Variants in RIPOR2 observed in about 807,000 individuals in gnomAD.
RIPOR2 encodes rho family-interacting cell polarization regulator 2.
RIPOR2 carries 39 observed loss-of-function variants against 114.5 expected under a neutral mutation model. The observed-to-expected ratio is 0.34, with a 90% CI of 0.26 to 0.44. The LOEUF (loss-of-function observed/expected upper bound fraction) is 0.44. Among genes scored for constraint, RIPOR2 ranks in the 20% least tolerant of loss-of-function variants. The pLI is 1.00. For synonymous variants in RIPOR2, 445 were observed against 484.4 expected, an observed-to-expected ratio of 0.92 and a Z score of 1.07; for missense variants, 1,007 against 1,255.1, an observed-to-expected ratio of 0.80 and a Z score of 2.99.
intron 1 of RIPOR2, among the ~76,000 whole-genome samples, chr6:25,026,926 C>A (rs1055617375): frequency 1.3e-5 from 2 of 152,174 alleles, no homozygotes; most frequent in African/African-American, 4.8e-5. Flanking sequence ...GGCCCTAGAC[C>A]ACTCCCGGGC....
At chr6:24,992,298 A>G (rs570562716) in intron 1 of RIPOR2, among the ~76,000 whole-genome samples, 1 of 152,286 alleles carries the variant, frequency 6.6e-6, no homozygotes, top group African/African-American at 2.4e-5. Context: ...AGAAGACATT[A>G]CAGGTACTCC....
chr6:24,846,301 CTTTTTTTTT>C (rs1233193249), intron 12 of RIPOR2, among the ~76,000 whole-genome samples: 2 of 91,720 alleles, frequency 2.2e-5, no homozygotes, highest in African/African-American at 9.4e-5. Flanking sequence ...TTTCACCTGC[CTTTTTTTTT>C]TTTTTTTTTT....
intron 14 of RIPOR2, 81 bp from the exon 15 acceptor site, chr6:24,835,952 C>T (rs1761074446): frequency 3.2e-6 from 4 of 1,261,090 alleles, no homozygotes; most frequent in African/African-American, 3.0e-5. Flanking sequence ...TGCATCGGGC[C>T]CCAACAGCAC....
intron 19 of RIPOR2, among the ~76,000 whole-genome samples, chr6:24,823,794 G>A (rs564010783): frequency 3.9e-5 from 6 of 152,268 alleles, no homozygotes; most frequent in African/African-American, 1.4e-4. Context: ...GTCTCGCTCT[G>A]TCACCCAGCT....
intron 16 of RIPOR2, among the ~76,000 whole-genome samples, 191 bp downstream of exon 16, chr6:24,832,065 G>A (rs147202678): frequency 1.0e-3 from 155 of 152,328 alleles, no homozygotes; most frequent in Admixed American, 2.6e-3. Context: ...AAAACTGTGT[G>A]TCTGCTGCTT....
At chr6:24,898,509 C>G (rs1023405873) in intron 1 of RIPOR2, 1 of 152,168 alleles carries the variant, frequency 6.6e-6, no homozygotes, top group Non-Finnish European at 1.5e-5. Context: ...AAATAGAGAT[C>G]TTCCTTTTTC....
At chr6:24,868,581 T>A (rs924641215) in intron 6 of RIPOR2, among the ~76,000 whole-genome samples, 4 of 152,020 alleles carry the variant, frequency 2.6e-5, no homozygotes, top group Non-Finnish European at 4.4e-5. Context: ...GTAGTGCACA[T>A]CTAGGGGAGA....
intron 1 of RIPOR2, chr6:25,024,102 G>T: frequency 1.3e-6 from 1 of 797,186 alleles, no homozygotes. Context: ...AGTACCAGGT[G>T]AGCTCAAACC....
At chr6:24,885,675 C>T (rs1766775387) in intron 1 of RIPOR2, among the ~76,000 whole-genome samples, 1 of 152,122 alleles carries the variant, frequency 6.6e-6, no homozygotes, top group Non-Finnish European at 1.5e-5. Context: ...TCCCTGAATC[C>T]CAGTTTTCTC....
chr6:25,008,306 G>A (rs1775641369), intron 1 of RIPOR2, among the ~76,000 whole-genome samples: 1 of 152,018 alleles, frequency 6.6e-6, no homozygotes, highest in South Asian at 2.1e-4. Context: ...GTGAGCCACC[G>A]TGCCCAGCTA....
At chr6:25,014,224 T>C (rs1775882168) in intron 1 of RIPOR2, among the ~76,000 whole-genome samples, 1 of 152,164 alleles carries the variant, frequency 6.6e-6, no homozygotes, top group African/African-American at 2.4e-5. Context: ...ACCGCTTGCT[T>C]GAAGACACGG....
chr6:24,859,545 A>C lies in RIPOR2; in HGVS notation c.715+1428T>G, dbSNP rs944163267. Among the ~76,000 whole-genome samples the C allele has an allele frequency of 1.5e-4, 23 of 152,104 alleles. No homozygotes were observed. The South Asian group carries it at 2.3e-3, about 15-fold the overall frequency. On this transcript the variant is annotated intron_variant, in intron 8 of 21. Transcript: ENST00000643898. ...AAAAATGTAGAGAATGGACCTAAAAAATGGAAAAAAGCACAGATGCCAGAC... is the reference window on the plus strand; with the variant it reads ...AAAAATGTAGAGAATGGACCTAAAACATGGAAAAAAGCACAGATGCCAGAC...
chr6:24,884,495 C>G (rs926392319), intron 1 of RIPOR2, among the ~76,000 whole-genome samples: 3 of 152,158 alleles, frequency 2.0e-5, no homozygotes, highest in African/African-American at 7.2e-5. Flanking sequence ...TGTTTGCTAA[C>G]CCAGTGATGA....
intron 21 of RIPOR2, among the ~76,000 whole-genome samples, chr6:24,806,907 A>G (rs1432911493): frequency 1.3e-5 from 2 of 152,234 alleles, no homozygotes; most frequent in African/African-American, 4.8e-5. Context: ...AATCAATCTT[A>G]GGCTTTCAAA....
chr6:24,830,443 A>T, intron 17 of RIPOR2, 66 bp downstream of exon 17: 2 of 1,236,360 alleles, frequency 1.6e-6, no homozygotes, highest in Non-Finnish European at 2.3e-6. Context: ...CTCTCCCCCG[A>T]CCCCCACCCC....
intron 1 of RIPOR2, among the ~76,000 whole-genome samples, chr6:24,955,669 T>C (rs1451032038): frequency 3.3e-5 from 5 of 149,342 alleles, no homozygotes; most frequent in Non-Finnish European, 7.4e-5. Flanking sequence ...ACCTATCTCT[T>C]ACTCCGTCTA....
rs556262808 is a variant in RIPOR2 at position 24,810,775 on chromosome 6, C to A, written c.2953-968G>T. On this transcript the variant is annotated intron_variant, in intron 20 of 21. Coordinates refer to ENST00000643898, the MANE Select transcript of RIPOR2 (RefSeq NM_001286445.3). ...CACCTGAAGGTAATTTTTTTTTTAA[C>A]CAAGTAACAAGGCAAAATTTCCTAC... 6.4e-4 allele frequency among the ~76,000 whole-genome samples: 96 copies of A among 150,880 alleles called. 1 individual carries two copies. The highest frequency in any genetic ancestry group is 2.2e-3 in the African/African-American group (92 of 41,222).
At chr6:24,839,064 A>C in intron 14 of RIPOR2, 27 bp downstream of exon 14, 1 of 1,532,990 alleles carries the variant, frequency 6.5e-7, no homozygotes, top group Non-Finnish European at 8.8e-7. Context: ...CAGGAGAAAT[A>C]TAAGGAGACA....
chr6:24,841,679 G>A (rs1318236871), intron 13 of RIPOR2, among the ~76,000 whole-genome samples: 1 of 149,276 alleles, frequency 6.7e-6, no homozygotes, highest in Non-Finnish European at 1.5e-5. Flanking sequence ...GTGCAGTGAC[G>A]TGATCTCGGC....
Sources: allele counts gnomAD v4.1 joint callset (sites outside exome capture counted in the v4.1 genomes callset), GRCh38; gene constraint gnomAD v4.1.1; transcripts MANE v1.5; gene names NCBI Gene and HGNC (gene_info 2026-07-23, HGNC 2026-07-21).